GBF1: variants seen among roughly 807,000 people sequenced by gnomAD.
GBF1 encodes the protein Golgi-specific brefeldin A-resistance guanine nucleotide exchange factor 1.
GBF1 carries 114 observed loss-of-function variants against 210.5 expected under a neutral mutation model. The ratio of observed to expected loss-of-function variants is 0.54; its 90% CI spans 0.47 to 0.63. The LOEUF (loss-of-function observed/expected upper bound fraction) is 0.63, where lower values mean the gene tolerates loss of function less well. Among genes scored for constraint, GBF1 ranks in the 30% least tolerant of loss-of-function variants. GBF1 has a pLI of 0.00. For missense variants in GBF1, 1,851 were observed against 2,357.7 expected, an observed-to-expected ratio of 0.79 and a Z score of 4.45; for synonymous variants, 850 against 889.2, an observed-to-expected ratio of 0.96 and a Z score of 0.78.
At chr10:102,271,076 C>T (rs1014856715) in intron 3 of GBF1, among the ~76,000 whole-genome samples, 1 of 151,638 alleles carries the variant, frequency 6.6e-6, no homozygotes, top group African/African-American at 2.4e-5. Context: ...CTTGCTCTTT[C>T]GCCCAGGCTG....
At chr10:102,261,879 C>T (rs913437702) in intron 3 of GBF1, among the ~76,000 whole-genome samples, 1 of 151,950 alleles carries the variant, frequency 6.6e-6, no homozygotes, top group Non-Finnish European at 1.5e-5. Flanking sequence ...GCCTTGGCCT[C>T]CTAAAGTGCT....
At chr10:102,300,130 T>C (rs1217679573) in intron 3 of GBF1, among the ~76,000 whole-genome samples, 1 of 152,188 alleles carries the variant, frequency 6.6e-6, no homozygotes, top group African/African-American at 2.4e-5. Context: ...ACTGACTTCT[T>C]GTCTGGCTGC....
chr10:102,274,231 C>T (rs1047644039), intron 3 of GBF1, among the ~76,000 whole-genome samples: 1 of 152,122 alleles, frequency 6.6e-6, no homozygotes, highest in African/African-American at 2.4e-5. Context: ...AGTTTCCACA[C>T]GTGACCTCAG....
At chr10:102,231,897 C>T in the GBF1 span, 15 of 1,557,006 alleles carry the variant, frequency 9.6e-6, no homozygotes, top group African/African-American at 1.3e-5. Context: ...GCTGCCCAGC[C>T]GGGGTCCCAC....
At chr10:102,327,284 G>C (rs188034714) in intron 3 of GBF1, among the ~76,000 whole-genome samples, 1 of 152,178 alleles carries the variant, frequency 6.6e-6, no homozygotes, top group Non-Finnish European at 1.5e-5. Flanking sequence ...AAGAACCTAG[G>C]CCCTTAGGGG....
At chr10:102,231,596 G>A in the GBF1 span, 3 of 1,600,098 alleles carry the variant, frequency 1.9e-6, no homozygotes, top group Non-Finnish European at 2.6e-6. Flanking sequence ...ACCCGCACGC[G>A]GGCCTCGGTG....
In GBF1 at chr10:102,382,075, C is replaced by A. The variant is rs1041999630; in HGVS notation, c.5322C>A (p.Ser1774Arg). 1.3e-6 allele frequency: 2 copies of A among 1,554,478 alleles called. No individual in the cohort carries two copies. The highest frequency in any genetic ancestry group is 1.4e-5 in the African/African-American group (1 of 73,122). The change falls in exon 40 of 40, where the codon AGC becomes AGA. Residue 1774 changes from serine to arginine, a missense_variant. Around this residue, in one of 3 missense-constraint regions of GBF1, gnomAD observed 967 missense variants for 1,247.7 expected, o/e 0.78. Transcript: ENST00000369983. ...CTACAGACTTTGAGAAGCCCGAGAG[C>A]CCCCGAGCCGCCAGCAGCAGCTCCC... ...LGACDFEKPE[S>R]PRAASSSSPG...
intron 3 of GBF1, among the ~76,000 whole-genome samples, chr10:102,320,119 T>C (rs2056262633): frequency 6.6e-6 from 1 of 152,156 alleles, no homozygotes; most frequent in Non-Finnish European, 1.5e-5. Flanking sequence ...TGGGGATGTA[T>C]GGTTTTTTTA....
At chr10:102,244,530 A>T (rs563711423), upstream of GBF1, among the ~76,000 whole-genome samples, 1 of 152,332 alleles carries the variant, frequency 6.6e-6, no homozygotes, top group East Asian at 1.9e-4. Flanking sequence ...GGGGCAAGAC[A>T]GTGAAAACAG....
chr10:102,278,970 A>G (rs2075247325), intron 3 of GBF1, among the ~76,000 whole-genome samples: 1 of 152,200 alleles, frequency 6.6e-6, no homozygotes, highest in Admixed American at 6.5e-5. Flanking sequence ...TTTGAAGATC[A>G]TACTCCTCTT....
At chr10:102,243,163 C>A (rs1169709257), upstream of GBF1, among the ~76,000 whole-genome samples, 1 of 152,104 alleles carries the variant, frequency 6.6e-6, no homozygotes, top group East Asian at 1.9e-4. Context: ...TTTATATTGT[C>A]AATTCCTACT....
At chr10:102,286,104 G>T (rs1194133200) in intron 3 of GBF1, among the ~76,000 whole-genome samples, 2 of 151,974 alleles carry the variant, frequency 1.3e-5, no homozygotes, top group Non-Finnish European at 2.9e-5. Context: ...TCAAAGTCAG[G>T]CTTTGAACAA....
rs2076169057 is a variant in GBF1, at chr10:102,288,671, A to ACTGCAGT, written c.163+28557_163+28563dup. On this transcript the variant is annotated intron_variant, in intron 3 of 39. Transcript: ENST00000369983. ...GCTTGCAGTGAGCCGAGATTGCGCC[A>ACTGCAGT]CTGCAGTCCGCAGTCCGGCCTGGGC... Among the ~76,000 whole-genome samples, 3 of 146,244 alleles carry ACTGCAGT rather than the reference A, an allele frequency of 2.1e-5. No homozygotes were observed. In the South Asian group the frequency reaches 6.8e-4, roughly 33 times the overall value.
At chr10:102,310,127 A>C (rs2078280057) in intron 3 of GBF1, among the ~76,000 whole-genome samples, 1 of 152,212 alleles carries the variant, frequency 6.6e-6, no homozygotes, top group Non-Finnish European at 1.5e-5. Flanking sequence ...GAATTGGAAA[A>C]GTGATAGGGT....
Position 102,359,277 on chromosome 10 carries a change from C to T in GBF1, c.1022C>T (p.Thr341Ile). The stretch of plus-strand genomic sequence containing the variant: ...TGCTACTGGTCATAGCAGGAAGGGA[C>T]CCATGTGGAAAAGTCCCAGTCAGCA... ...PEQPDLQQEG[T>I]HVEKSQSASV... is the part of the protein sequence containing the mutation. Residue 341 changes from threonine (T) to isoleucine (I), a missense_variant, in exon 11 of 40, where the codon ACC becomes ATC. Physicochemically the swap from Thr to Ile is moderately conservative, Grantham distance 89. Coordinates refer to ENST00000369983, the MANE Select transcript of GBF1 (RefSeq NM_001377137.1). 6.2e-7 allele frequency: 1 copy of T among 1,610,794 alleles called. No homozygotes were observed. The highest frequency in any genetic ancestry group is 1.1e-5 in the South Asian group (1 of 91,016).
At chr10:102,237,586 A>G in the GBF1 span, among the ~76,000 whole-genome samples, 3 of 152,256 alleles carry the variant, frequency 2.0e-5, no homozygotes, top group African/African-American at 7.2e-5. Context: ...GCCCTGAATA[A>G]AGAAAAAAAC....
chr10:102,265,683 CAATG>C (rs559652556), intron 3 of GBF1, among the ~76,000 whole-genome samples: 67 of 151,950 alleles, frequency 4.4e-4, no homozygotes, highest in African/African-American at 1.1e-3. Context: ...GAGACCCTTT[CAATG>C]AATGAATGAA....
At chr10:102,273,774 G>A (rs1589443671) in intron 3 of GBF1, among the ~76,000 whole-genome samples, 1 of 152,218 alleles carries the variant, frequency 6.6e-6, no homozygotes, top group South Asian at 2.1e-4. Context: ...TTGCCAGGCA[G>A]AGATTAATTT....
the GBF1 span, chr10:102,231,827 A>C: frequency 3.8e-6 from 6 of 1,592,198 alleles, no homozygotes; most frequent in Non-Finnish European, 5.1e-6. Context: ...CAGAGCGCCC[A>C]AGCCAGCGCA....
Sources: gnomAD v4.1 joint callset for allele counts (sites outside exome capture counted in the v4.1 genomes callset) on GRCh38, gnomAD v4.1.1 for gene constraint, gnomAD v4.1.1 regional missense constraint, MANE v1.5 for transcripts, NCBI Gene and HGNC (gene_info 2026-07-23, HGNC 2026-07-21) for gene names.